Variants in SPECC1 observed in about 807,000 individuals in gnomAD.
SPECC1 encodes the protein sperm antigen with calponin homology and coiled-coil domains 1.
Under a neutral mutation model 104.1 loss-of-function variants are expected in SPECC1, and 62 were observed. The observed-to-expected ratio is 0.60, with a 90% CI of 0.49 to 0.74. The LOEUF is 0.74. SPECC1 is among the 30% of genes least tolerant of loss of function. The pLI is 0.00. For missense variants in SPECC1, 1,306 were observed against 1,310.5 expected, an observed-to-expected ratio of 1.00 and a Z score of 0.05; for synonymous variants, 513 against 501.6, an observed-to-expected ratio of 1.02 and a Z score of -0.30.
chr17:20,026,367 C>T (rs985545333), intron 1 of SPECC1, among the ~76,000 whole-genome samples: 2 of 152,060 alleles, frequency 1.3e-5, no homozygotes, highest in Non-Finnish European at 2.9e-5. Context: ...TGAACATGTA[C>T]AATAAGTTAT....
chr17:20,099,694 CAAAAA>C (rs768172798), intron 2 of SPECC1, among the ~76,000 whole-genome samples: 1 of 17,432 alleles, frequency 5.7e-5, no homozygotes, highest in Non-Finnish European at 1.2e-4. Flanking sequence ...CACTCTATCT[CAAAAA>C]AAAAAAAAAA....
intron 3 of SPECC1, among the ~76,000 whole-genome samples, chr17:20,142,728 T>C (rs2030967647): frequency 6.6e-6 from 1 of 151,830 alleles, no homozygotes; most frequent in Admixed American, 6.6e-5. Context: ...GGGGTGGTGA[T>C]GGTTGTACAA....
chr17:20,312,430 CTG>C (rs953148901), intron 14 of SPECC1, among the ~76,000 whole-genome samples: 32 of 152,164 alleles, frequency 2.1e-4, no homozygotes, highest in African/African-American at 6.8e-4. Flanking sequence ...CTGCTCAAAA[CTG>C]AATATTGATT....
At chr17:20,057,242 C>T (rs1345633336) in intron 1 of SPECC1, among the ~76,000 whole-genome samples, 2 of 152,094 alleles carry the variant, frequency 1.3e-5, no homozygotes, top group African/African-American at 4.8e-5. Flanking sequence ...GAGATCAAGA[C>T]CATCCTGGCT....
chr17:20,254,134 C>CGTGTGTGTGTGT (rs71357419), intron 10 of SPECC1, among the ~76,000 whole-genome samples: 4,535 of 135,876 alleles, frequency 0.033, 136 homozygotes, highest in African/African-American at 0.06. Context: ...GTTGTTACAC[C>CGTGTGTGTGTGT]GTGTGTGTGT....
intron 3 of SPECC1, among the ~76,000 whole-genome samples, chr17:20,169,753 C>G (rs1333266485): frequency 6.6e-6 from 1 of 152,140 alleles, no homozygotes; most frequent in African/African-American, 2.4e-5. Flanking sequence ...TCCTCCTGCC[C>G]TGGCCTCCCA....
intron 7 of SPECC1, among the ~76,000 whole-genome samples, chr17:20,242,532 A>G (rs142541015): frequency 6.6e-6 from 1 of 152,340 alleles, no homozygotes; most frequent in East Asian, 1.9e-4. Context: ...GTTGTTCTCT[A>G]GTATGGGTTG....
chr17:20,204,896 T>G lies in SPECC1; in HGVS notation c.847T>G (p.Ser283Ala). The G allele has an allele frequency of 6.2e-7, 1 of 1,613,436 alleles. No homozygotes were observed. Among genetic ancestry groups the G allele is most frequent in the Admixed American group, 1.7e-5 (1 of 59,966 alleles). Residue 283 changes from serine (S) to alanine (A), a missense_variant, in exon 4 of 15, where the codon TCA becomes GCA. Around this residue, in one of 2 missense-constraint regions of SPECC1, gnomAD observed 1,177 missense variants for 1,139.9 expected, o/e 1.03. Transcript: ENST00000395527. Reference protein sequence around the residue: ...SSCPTSITQESSFGSPTGNQM... With the variant: ...SSCPTSITQEASFGSPTGNQM... ...CTGCCCAACATCCATAACTCAAGAG[T>G]CAAGCTTCGGAAGCCCAACTGGAAA...
chr17:20,097,536 A>T (rs904641768), intron 2 of SPECC1, among the ~76,000 whole-genome samples: 3 of 152,250 alleles, frequency 2.0e-5, no homozygotes, highest in Middle Eastern at 3.2e-3. Flanking sequence ...TGGATTTGAG[A>T]TGCAGACTGA....
intron 12 of SPECC1, among the ~76,000 whole-genome samples, chr17:20,289,338 G>A (rs919037669): frequency 1.3e-5 from 2 of 152,042 alleles, no homozygotes; most frequent in Non-Finnish European, 2.9e-5. Context: ...GTCTTGCTCT[G>A]ATGTCCAGGC....
intron 1 of SPECC1, among the ~76,000 whole-genome samples, chr17:20,050,850 TCTC>T (rs1324725598): frequency 6.6e-6 from 1 of 152,194 alleles, no homozygotes; most frequent in Non-Finnish European, 1.5e-5. Flanking sequence ...CTGTGGATAT[TCTC>T]CAGGGAAAAA....
rs1411409700 is a variant in SPECC1, at chr17:20,317,760, T to C, written c.*3695T>C. On this transcript the variant is annotated 3_prime_UTR_variant, in exon 15 of 15. Transcript: ENST00000395527. ...CAAAAAAAAGAAATACAGGTGGTGTTTTGGGGAAGGGAAGGTTCTGCTGGG... is the reference window on the plus strand; with the variant it reads ...CAAAAAAAAGAAATACAGGTGGTGTCTTGGGGAAGGGAAGGTTCTGCTGGG... The C allele has an allele frequency of 2.7e-5, 6 of 220,464 alleles. No homozygotes were observed. The highest frequency in any genetic ancestry group is 5.4e-5 in the Non-Finnish European group (6 of 110,328). 13.7% of individuals were successfully genotyped at this position (220,464 alleles called of 1,614,324 possible).
intron 2 of SPECC1, among the ~76,000 whole-genome samples, chr17:20,101,074 G>A (rs2047924000): frequency 6.6e-6 from 1 of 152,150 alleles, no homozygotes; most frequent in African/African-American, 2.4e-5. Context: ...ATTGATGGAT[G>A]TTTAGGTTGG....
At chr17:20,163,102 C>T (rs977513016) in intron 3 of SPECC1, among the ~76,000 whole-genome samples, 1 of 152,166 alleles carries the variant, frequency 6.6e-6, no homozygotes, top group Non-Finnish European at 1.5e-5. Context: ...CTAAGAAGGT[C>T]AAATATATGT....
chr17:20,173,623 C>G (rs1323206711), intron 3 of SPECC1, among the ~76,000 whole-genome samples: 1 of 152,092 alleles, frequency 6.6e-6, no homozygotes, highest in Non-Finnish European at 1.5e-5. Flanking sequence ...GTGTAGACTG[C>G]CGTTTTAAAC....
chr17:20,108,870 C>G (rs1002465517), intron 2 of SPECC1, among the ~76,000 whole-genome samples: 4 of 152,198 alleles, frequency 2.6e-5, no homozygotes, highest in African/African-American at 9.7e-5. Context: ...AGTCTCCCTT[C>G]TTCGACTTAC....
chr17:20,017,594 C>G (rs1426722604), intron 1 of SPECC1: 1 of 152,362 alleles, frequency 6.6e-6, no homozygotes, highest in Non-Finnish European at 1.5e-5. Context: ...TCTTACTTCT[C>G]TCGCCTTACA....
At chr17:20,034,207 C>T (rs538537944) in intron 1 of SPECC1, among the ~76,000 whole-genome samples, 8 of 152,108 alleles carry the variant, frequency 5.3e-5, no homozygotes, top group African/African-American at 1.7e-4. Flanking sequence ...AAGTGATTCT[C>T]CTGCCTCAGC....
chr17:20,049,651 A>G (rs1322220556), intron 1 of SPECC1, among the ~76,000 whole-genome samples: 2 of 152,034 alleles, frequency 1.3e-5, no homozygotes, highest in Non-Finnish European at 2.9e-5. Flanking sequence ...TGTTTGTGCT[A>G]TGTTTTAGGC....
Sources: allele counts gnomAD v4.1 joint callset (sites outside exome capture counted in the v4.1 genomes callset), GRCh38; gene constraint gnomAD v4.1.1; regional missense constraint gnomAD v4.1.1; transcripts MANE v1.5; gene names NCBI Gene and HGNC (gene_info 2026-07-23, HGNC 2026-07-21).